SLC25A21: variants seen among roughly 807,000 people sequenced by gnomAD.
SLC25A21 encodes mitochondrial 2-oxodicarboxylate carrier.
A neutral mutation model predicts 43.8 loss-of-function variants in SLC25A21; 47 were observed. The ratio of observed to expected loss-of-function variants is 1.07; its 90% CI spans 0.85 to 1.37. The LOEUF (loss-of-function observed/expected upper bound fraction) is 1.37, where lower values mean the gene tolerates loss of function less well. Ranked by LOEUF, SLC25A21 falls within the 40% of genes most tolerant of loss-of-function variation. SLC25A21 has a pLI of 0.00. For missense variants in SLC25A21, 352 were observed against 350.2 expected, an observed-to-expected ratio of 1.00 and a Z score of -0.04; for synonymous variants, 131 against 121.3, an observed-to-expected ratio of 1.08 and a Z score of -0.52.
chr14:37,062,397 C>G (rs941835676), intron 1 of SLC25A21, among the ~76,000 whole-genome samples: 1 of 152,102 alleles, frequency 6.6e-6, no homozygotes, highest in African/African-American at 2.4e-5. Context: ...CTAGCTGTGC[C>G]ACTCAGACTC....
chr14:37,100,496 T>A (rs1962796857), intron 1 of SLC25A21, among the ~76,000 whole-genome samples: 1 of 152,228 alleles, frequency 6.6e-6, no homozygotes, highest in Non-Finnish European at 1.5e-5. Context: ...CCAAAGTAGA[T>A]GTTTAATTGA....
intron 1 of SLC25A21, among the ~76,000 whole-genome samples, chr14:36,900,051 A>G (rs114518329): frequency 0.013 from 2,007 of 152,080 alleles, 39 homozygotes; most frequent in African/African-American, 0.045. Context: ...TGGCTCATAA[A>G]TGAACTGACG....
intron 4 of SLC25A21, among the ~76,000 whole-genome samples, chr14:36,733,939 T>C (rs1884931392): frequency 6.6e-6 from 1 of 152,124 alleles, no homozygotes; most frequent in Non-Finnish European, 1.5e-5. Flanking sequence ...GTTAAGTAAA[T>C]GGAAATCAGG....
intron 3 of SLC25A21, among the ~76,000 whole-genome samples, chr14:36,768,185 G>C (rs1886484937): frequency 6.6e-6 from 1 of 152,176 alleles, no homozygotes; most frequent in Non-Finnish European, 1.5e-5. Flanking sequence ...AAATAGCAGA[G>C]GAGAGGCCCA....
intron 1 of SLC25A21, among the ~76,000 whole-genome samples, chr14:36,909,710 C>T (rs898749366): frequency 6.6e-6 from 1 of 152,098 alleles, no homozygotes; most frequent in Non-Finnish European, 1.5e-5. Flanking sequence ...ACTAAATATG[C>T]TTTAAAATAA....
chr14:36,726,055 TA>T (rs938961771), intron 5 of SLC25A21, among the ~76,000 whole-genome samples: 1 of 152,234 alleles, frequency 6.6e-6, no homozygotes, highest in Non-Finnish European at 1.5e-5. Context: ...AACATCTACT[TA>T]AATTCCTTTA....
At chr14:36,826,028 T>C (rs1245420327) in intron 2 of SLC25A21, among the ~76,000 whole-genome samples, 1 of 152,234 alleles carries the variant, frequency 6.6e-6, no homozygotes, top group Non-Finnish European at 1.5e-5. Context: ...AGTTTACAGA[T>C]AATTCAAGCC....
At chr14:37,067,434 A>T (rs1962082857) in intron 1 of SLC25A21, among the ~76,000 whole-genome samples, 1 of 152,222 alleles carries the variant, frequency 6.6e-6, no homozygotes, top group Non-Finnish European at 1.5e-5. Flanking sequence ...AATAACTGCC[A>T]ACCTTGAATT....
At chr14:37,031,964 C>T (rs968179456) in intron 1 of SLC25A21, among the ~76,000 whole-genome samples, 1 of 152,106 alleles carries the variant, frequency 6.6e-6, no homozygotes, top group Non-Finnish European at 1.5e-5. Context: ...AAAGAATTCC[C>T]AGTTCCTAAA....
At chr14:36,809,325 T>G (rs1233999006) in intron 3 of SLC25A21, among the ~76,000 whole-genome samples, 1 of 152,176 alleles carries the variant, frequency 6.6e-6, no homozygotes, top group Non-Finnish European at 1.5e-5. Flanking sequence ...CTCTCTTCTG[T>G]GTTACAGAAA....
chr14:36,803,130 C>T (rs1887924878), intron 3 of SLC25A21, among the ~76,000 whole-genome samples: 1 of 152,192 alleles, frequency 6.6e-6, no homozygotes, highest in African/African-American at 2.4e-5. Context: ...TCTTACCTTA[C>T]ACTTGTCAGT....
intron 3 of SLC25A21, among the ~76,000 whole-genome samples, chr14:36,735,812 CTTTTTT>C (rs58500416): frequency 7.6e-6 from 1 of 131,682 alleles, no homozygotes; most frequent in Non-Finnish European, 1.6e-5. Context: ...TCCCAGAATC[CTTTTTT>C]TTTTTTTTTT....
intron 1 of SLC25A21, among the ~76,000 whole-genome samples, chr14:36,952,712 G>A (rs1333295965): frequency 6.6e-6 from 1 of 152,074 alleles, no homozygotes; most frequent in Admixed American, 6.5e-5. Flanking sequence ...GTAAAAACAA[G>A]ACAAAACAAA....
intron 1 of SLC25A21, among the ~76,000 whole-genome samples, chr14:36,910,608 A>T (rs1185641072): frequency 6.6e-6 from 1 of 152,196 alleles, no homozygotes; most frequent in Non-Finnish European, 1.5e-5. Flanking sequence ...ATGAAGAAAT[A>T]ACTTTGAGGT....
intron 3 of SLC25A21, among the ~76,000 whole-genome samples, chr14:36,776,534 G>A (rs918144059): frequency 2.8e-4 from 43 of 151,852 alleles, no homozygotes; most frequent in Non-Finnish European, 4.0e-4. Flanking sequence ...GAGCCACCGC[G>A]CCCGGCCCCA....
At chr14:36,724,378 A>G (rs1033046050) in intron 6 of SLC25A21, among the ~76,000 whole-genome samples, 2 of 152,186 alleles carry the variant, frequency 1.3e-5, no homozygotes, top group Non-Finnish European at 2.9e-5. Context: ...CTCAGGCAGC[A>G]TCAGCAGGCA....
At chr14:37,072,017 A>T (rs534696498) in intron 1 of SLC25A21, among the ~76,000 whole-genome samples, 6 of 151,890 alleles carry the variant, frequency 4.0e-5, no homozygotes, top group Non-Finnish European at 7.4e-5. Context: ...CCTCATCTCT[A>T]TTTAAAACAC....
chr14:36,953,330 G>C (rs1156268816), intron 1 of SLC25A21, among the ~76,000 whole-genome samples: 2 of 152,008 alleles, frequency 1.3e-5, no homozygotes, highest in East Asian at 3.9e-4. Flanking sequence ...GATTCACATT[G>C]TTTATAACAT....
At chr14:36,873,857 T>TTC (rs1316668715) in intron 2 of SLC25A21, among the ~76,000 whole-genome samples, 2 of 152,100 alleles carry the variant, frequency 1.3e-5, no homozygotes, top group African/African-American at 4.8e-5. Flanking sequence ...AAGGAGGCCC[T>TTC]CTACAGTTAG....
Sources: gnomAD v4.1 joint callset for allele counts (sites outside exome capture counted in the v4.1 genomes callset) on GRCh38, gnomAD v4.1.1 for gene constraint, MANE v1.5 for transcripts, NCBI Gene and HGNC (gene_info 2026-07-23, HGNC 2026-07-21) for gene names.